PDE4D: variants seen among roughly 807,000 people sequenced by gnomAD.
PDE4D encodes the protein phosphodiesterase 4D.
PDE4D carries 24 observed loss-of-function variants against 87.4 expected under a neutral mutation model. That is an observed-to-expected ratio of 0.27 (90% CI 0.20 to 0.39). PDE4D has a LOEUF of 0.39. PDE4D is among the 10% of genes least tolerant of loss of function. PDE4D has a pLI of 1.00. For synonymous variants in PDE4D, 384 were observed against 383.2 expected (o/e 1.00, Z -0.02); for missense variants, 714 against 1,041.0 (o/e 0.69, Z 4.32).
intron 1 of PDE4D, among the ~76,000 whole-genome samples, chr5:59,331,320 G>A (rs965704384): frequency 1.3e-5 from 2 of 152,150 alleles, no homozygotes; most frequent in East Asian, 1.9e-4. Flanking sequence ...TGGTTTCTTC[G>A]GGAGACCTCT....
chr5:59,126,765 A>C (rs1372697527), intron 5 of PDE4D, among the ~76,000 whole-genome samples: 1 of 152,230 alleles, frequency 6.6e-6, no homozygotes, highest in Non-Finnish European at 1.5e-5. Context: ...TAACTGAAGA[A>C]TATGGATATT....
intron 1 of PDE4D, among the ~76,000 whole-genome samples, chr5:59,877,784 A>T (rs1748828543): frequency 6.6e-6 from 1 of 152,094 alleles, no homozygotes; most frequent in Non-Finnish European, 1.5e-5. Flanking sequence ...GCGCCACTGC[A>T]CTCCAGCCTG....
chr5:60,089,480 AT>A lies in PDE4D; in HGVS notation c.42+96076del, dbSNP rs138575587. On this transcript the variant is annotated intron_variant, in intron 2 of 16. Transcript: ENST00000502484. Reference sequence around the variant, plus strand: ...ATAAATTAAAAAGGAAATTTAAAAAATTTTCTTAGGACAGATGAAAATGGAA... The same window carrying A: ...ATAAATTAAAAAGGAAATTTAAAAAATTTCTTAGGACAGATGAAAATGGAA... 3.2e-3 allele frequency among the ~76,000 whole-genome samples: 488 copies of A among 152,128 alleles called. 2 individuals carry two copies. The highest frequency in any genetic ancestry group is 0.011 in the African/African-American group (475 of 41,552).
chr5:59,371,525 A>G (rs1201770189), intron 1 of PDE4D, among the ~76,000 whole-genome samples: 20 of 152,142 alleles, frequency 1.3e-4, no homozygotes, highest in Non-Finnish European at 1.8e-4. Flanking sequence ...GTATCATCAA[A>G]TATTTTTCAT....
chr5:59,410,955 A>G (rs1001528344), intron 1 of PDE4D, among the ~76,000 whole-genome samples: 1 of 152,222 alleles, frequency 6.6e-6, no homozygotes, highest in Non-Finnish European at 1.5e-5. Flanking sequence ...ATAGACTTTC[A>G]TTTACTCTCT....
At chr5:59,267,083 A>G (rs990733579) in intron 1 of PDE4D, among the ~76,000 whole-genome samples, 50 of 152,094 alleles carry the variant, frequency 3.3e-4, no homozygotes, top group African/African-American at 1.2e-3. Flanking sequence ...CTATAGACCT[A>G]GAAGCTGCTT....
At chr5:59,177,217 T>C (rs967989483) in intron 5 of PDE4D, among the ~76,000 whole-genome samples, 4 of 152,182 alleles carry the variant, frequency 2.6e-5, no homozygotes, top group African/African-American at 9.7e-5. Flanking sequence ...AGGGCACTGA[T>C]GCAACCTAGA....
chr5:59,783,104 G>C (rs1482025801), intron 1 of PDE4D, among the ~76,000 whole-genome samples: 4 of 152,134 alleles, frequency 2.6e-5, no homozygotes, highest in African/African-American at 9.7e-5. Context: ...ACACATCACA[G>C]AAACTAAAAT....
chr5:59,576,487 CT>C (rs1483490975), intron 1 of PDE4D, among the ~76,000 whole-genome samples: 1 of 151,920 alleles, frequency 6.6e-6, no homozygotes, highest in East Asian at 1.9e-4. Flanking sequence ...AAAATTTCCC[CT>C]GACAATATAA....
At chr5:59,948,907 T>C (rs1256212279) in intron 3 of PDE4D, among the ~76,000 whole-genome samples, 1 of 152,250 alleles carries the variant, frequency 6.6e-6, no homozygotes, top group South Asian at 2.1e-4. Context: ...CACCTACTTA[T>C]AGTTAACATT....
intron 5 of PDE4D, among the ~76,000 whole-genome samples, chr5:59,124,249 G>A (rs1405096516): frequency 1.3e-5 from 2 of 152,120 alleles, no homozygotes; most frequent in East Asian, 3.9e-4. Flanking sequence ...TATTTGACAC[G>A]TGAGGACCAA....
intron 6 of PDE4D, among the ~76,000 whole-genome samples, chr5:59,029,437 A>AC (rs1756913864): frequency 6.6e-6 from 1 of 150,836 alleles, no homozygotes; most frequent in African/African-American, 2.4e-5. Flanking sequence ...AAAAAAAAAA[A>AC]CTTAGGAGCA....
intron 1 of PDE4D, among the ~76,000 whole-genome samples, chr5:59,367,686 T>A (rs952912649): frequency 1.3e-5 from 2 of 152,254 alleles, no homozygotes; most frequent in Admixed American, 1.3e-4. Flanking sequence ...ATGATGGTAT[T>A]ATTTAAAATC....
chr5:60,247,597 A>C (rs1747932391), intron 1 of PDE4D, among the ~76,000 whole-genome samples: 1 of 151,998 alleles, frequency 6.6e-6, no homozygotes, highest in Non-Finnish European at 1.5e-5. Context: ...GCCCCTAGCT[A>C]CAACTAGAAA....
At chr5:60,318,369 T>A (rs1484362941) in intron 1 of PDE4D, among the ~76,000 whole-genome samples, 2 of 152,202 alleles carry the variant, frequency 1.3e-5, no homozygotes, top group Admixed American at 6.5e-5. Flanking sequence ...ATTTTGAGCC[T>A]ATGTGTGTCT....
intron 1 of PDE4D, among the ~76,000 whole-genome samples, chr5:60,247,257 C>G (rs1026229404): frequency 6.6e-6 from 1 of 151,944 alleles, no homozygotes; most frequent in African/African-American, 2.4e-5. Context: ...GTGTTTATCC[C>G]TGGAGTTTTC....
intron 1 of PDE4D, among the ~76,000 whole-genome samples, chr5:59,259,176 G>A (rs1019364911): frequency 5.9e-5 from 9 of 151,678 alleles, no homozygotes; most frequent in African/African-American, 1.9e-4. Flanking sequence ...TAATAAACTG[G>A]CTAGCATTTT....
At chr5:59,770,892 G>A (rs1477550935) in intron 1 of PDE4D, among the ~76,000 whole-genome samples, 1 of 152,070 alleles carries the variant, frequency 6.6e-6, no homozygotes, top group Non-Finnish European at 1.5e-5. Flanking sequence ...ATCACTTTGG[G>A]AGGCCAATGC....
At position 59,029,016 on chromosome 5, in the gene PDE4D, T is replaced by A. The variant is rs143145636; in HGVS notation, c.921+9843A>T. 1.2e-4 allele frequency among the ~76,000 whole-genome samples: 18 copies of A among 152,280 alleles called. 1 individual carries two copies. The East Asian group carries it at 3.5e-3, about 29-fold the overall frequency. On this transcript the variant is annotated intron_variant, in intron 6 of 14. Coordinates refer to ENST00000340635, the MANE Select transcript of PDE4D (RefSeq NM_001104631.2). The stretch of plus-strand genomic sequence containing the variant: ...TAAGATGAGGCACTTGGGTGAGTAT[T>A]TAGATTTAACAATAAGTTGCTCTTA...
Sources: allele counts gnomAD v4.1 joint callset (sites outside exome capture counted in the v4.1 genomes callset), GRCh38; gene constraint gnomAD v4.1.1; transcripts MANE v1.5; gene names NCBI Gene and HGNC (gene_info 2026-07-23, HGNC 2026-07-21).